The following ATXN7 variants were observed in gnomAD, a reference collection of about 807,000 sequenced individuals.
ATXN7 encodes the protein ataxin-7.
In ATXN7, 12 loss-of-function variants were observed where a neutral mutation model predicts 70.5. The ratio of observed to expected loss-of-function variants is 0.17; its 90% CI spans 0.11 to 0.28. The LOEUF (loss-of-function observed/expected upper bound fraction) is 0.28. Ranked by LOEUF, ATXN7 falls within the 10% of genes least tolerant of loss-of-function variation. The pLI, the probability that ATXN7 is intolerant of heterozygous loss-of-function variation, is 1.00. For missense variants in ATXN7, 1,256 were observed against 1,131.7 expected (o/e 1.11, Z -1.58); for synonymous variants, 498 against 448.7 (o/e 1.11, Z -1.39).
chr3:63,975,255 T>C (rs2075373425), intron 5 of ATXN7, among the ~76,000 whole-genome samples: 1 of 152,208 alleles, frequency 6.6e-6, no homozygotes. Context: ...ATGGGACAAA[T>C]TGATACTATG....
intron 5 of ATXN7, among the ~76,000 whole-genome samples, chr3:63,977,209 G>C (rs973293862): frequency 6.6e-6 from 1 of 152,158 alleles, no homozygotes; most frequent in Non-Finnish European, 1.5e-5. Flanking sequence ...TCATGAAAAA[G>C]CGAATGCAAA....
At chr3:63,952,659 T>C (rs1298520390) in intron 5 of ATXN7, among the ~76,000 whole-genome samples, 176 bp downstream of exon 5, 3 of 152,140 alleles carry the variant, frequency 2.0e-5, no homozygotes, top group Non-Finnish European at 4.4e-5. Context: ...TTTAAATTTT[T>C]ATTAAAAGTG....
At chr3:63,922,027 C>CT (rs941399983) in intron 4 of ATXN7, among the ~76,000 whole-genome samples, 7 of 151,198 alleles carry the variant, frequency 4.6e-5, no homozygotes, top group East Asian at 1.9e-4. Context: ...TTTTCTTTTT[C>CT]TTTTTTTTTC....
chr3:63,885,252 A>G (rs1356677256), intron 1 of ATXN7, among the ~76,000 whole-genome samples: 1 of 152,174 alleles, frequency 6.6e-6, no homozygotes, highest in African/African-American at 2.4e-5. Flanking sequence ...TATATAAGGA[A>G]CTCAATAACA....
chr3:63,915,318 T>C (rs1704218667), intron 4 of ATXN7, among the ~76,000 whole-genome samples: 1 of 152,166 alleles, frequency 6.6e-6, no homozygotes, highest in African/African-American at 2.4e-5. Context: ...ACCAGGCCAC[T>C]TGGAACGTAC....
At chr3:63,953,142 T>C (rs1479867494) in intron 5 of ATXN7, among the ~76,000 whole-genome samples, 6 of 152,118 alleles carry the variant, frequency 3.9e-5, no homozygotes, top group South Asian at 2.1e-4. Context: ...TAACTAGATA[T>C]ACTTTAAAAA....
intron 2 of ATXN7, among the ~76,000 whole-genome samples, chr3:63,909,405 C>T (rs559612302): frequency 6.6e-6 from 1 of 152,238 alleles, no homozygotes; most frequent in African/African-American, 2.4e-5. Context: ...GTCATCTCCA[C>T]ACACACATAC....
At chr3:63,944,932 C>G (rs2074834114) in intron 4 of ATXN7, among the ~76,000 whole-genome samples, 2 of 152,154 alleles carry the variant, frequency 1.3e-5, no homozygotes, top group South Asian at 4.1e-4. Context: ...GCTGCAATTA[C>G]AAGTGTAAAC....
intron 4 of ATXN7, among the ~76,000 whole-genome samples, chr3:63,914,300 GT>G (rs1464838029): frequency 2.0e-5 from 3 of 152,074 alleles, no homozygotes; most frequent in Non-Finnish European, 4.4e-5. Context: ...CTCTGTTTCG[GT>G]TTTTTTGAAT....
At chr3:63,977,245 T>G (rs1055145551) in intron 5 of ATXN7, among the ~76,000 whole-genome samples, 2 of 152,232 alleles carry the variant, frequency 1.3e-5, no homozygotes, top group African/African-American at 4.8e-5. Flanking sequence ...AATTGTTTCT[T>G]AGTATATCGG....
chr3:63,875,559 A>T (rs1449270875), intron 1 of ATXN7, among the ~76,000 whole-genome samples: 1 of 152,114 alleles, frequency 6.6e-6, no homozygotes, highest in Non-Finnish European at 1.5e-5. Flanking sequence ...TGAGGAGCTG[A>T]TTTACCCCAT....
chr3:63,914,317 G>A lies in ATXN7; in HGVS notation c.394+1092G>A, dbSNP rs140427030. On this transcript the variant is annotated intron_variant, in intron 4 of 12. Coordinates refer to ENST00000674280, the MANE Select transcript of ATXN7 (RefSeq NM_001377405.1). Reference sequence around the variant, plus strand: ...CTGTTTCGGTTTTTTTGAATTGGGCGCTTTTTGGCCTCTTGGCACTCGGAG... The same window carrying A: ...CTGTTTCGGTTTTTTTGAATTGGGCACTTTTTGGCCTCTTGGCACTCGGAG... Among the ~76,000 whole-genome samples the A allele has an allele frequency of 2.6e-5, 4 of 152,164 alleles. No homozygotes were observed. The Middle Eastern group carries it at 0.01, about 388-fold the overall frequency.
rs139621737 is a variant in ATXN7 at position 63,934,515 on chromosome 3, A to G, written c.395-17864A>G. Among the ~76,000 whole-genome samples, 445 of 152,270 alleles carry G rather than the reference A, an allele frequency of 2.9e-3. 3 individuals carry two copies. The highest frequency in any genetic ancestry group is 0.01 in the African/African-American group (427 of 41,546). ...GTTCTTGGTGAGAGGCAGAAAGAGA[A>G]TATTTCTAGATGGGAACTGAAGGAA... is the stretch of plus-strand genomic sequence containing the variant. On this transcript the variant is annotated intron_variant, in intron 4 of 12. Coordinates refer to ENST00000674280, the MANE Select transcript of ATXN7 (RefSeq NM_001377405.1).
At chr3:63,968,243 A>C (rs2075258567) in intron 5 of ATXN7, 2 of 406,406 alleles carry the variant, frequency 4.9e-6, no homozygotes, top group East Asian at 7.9e-5. Context: ...TAGCTGCTGC[A>C]AGCTGTCCAC....
At chr3:63,916,737 G>A (rs537573880) in intron 4 of ATXN7, among the ~76,000 whole-genome samples, 1 of 152,306 alleles carries the variant, frequency 6.6e-6, no homozygotes, top group African/African-American at 2.4e-5. Flanking sequence ...CTGCCATTTG[G>A]CACAAGTAGG....
At chr3:63,998,478 G>T (rs1438414310) in intron 12 of ATXN7, 1 of 985,082 alleles carries the variant, frequency 1.0e-6, no homozygotes, top group Non-Finnish European at 1.2e-6. Context: ...TGCCACCTTT[G>T]ATTTTTACCA....
At chr3:63,992,751 C>A (rs1386913610) in intron 11 of ATXN7, among the ~76,000 whole-genome samples, 2 of 152,110 alleles carry the variant, frequency 1.3e-5, no homozygotes. Context: ...TTAGCATGAC[C>A]ATTGGTTTTT....
At chr3:63,880,868 G>A (rs1398723907) in intron 1 of ATXN7, among the ~76,000 whole-genome samples, 1 of 152,202 alleles carries the variant, frequency 6.6e-6, no homozygotes, top group African/African-American at 2.4e-5. Flanking sequence ...AACACCATGA[G>A]AACAGCGTTC....
intron 1 of ATXN7, among the ~76,000 whole-genome samples, chr3:63,877,454 A>G (rs1702780041): frequency 6.6e-6 from 1 of 152,188 alleles, no homozygotes; most frequent in Non-Finnish European, 1.5e-5. Context: ...GTGTGAACCA[A>G]ATTTTGTTAA....
Sources: gnomAD v4.1 joint callset for allele counts (sites outside exome capture counted in the v4.1 genomes callset) on GRCh38, gnomAD v4.1.1 for gene constraint, MANE v1.5 for transcripts, NCBI Gene and HGNC (gene_info 2026-07-23, HGNC 2026-07-21) for gene names.